RPSA2: variants seen among roughly 807,000 people sequenced by gnomAD.
RPSA2 encodes small ribosomal subunit protein uS2B.
the RPSA2 span, among the ~76,000 whole-genome samples, chr19:23,801,431 A>G: frequency 6.6e-6 from 1 of 152,102 alleles, no homozygotes; most frequent in Non-Finnish European, 1.5e-5. Context: ...TTCAGCAGAC[A>G]TGGGCTTCAC....
chr19:23,864,229 C>T, the RPSA2 span, among the ~76,000 whole-genome samples: 1 of 152,202 alleles, frequency 6.6e-6, no homozygotes, highest in African/African-American at 2.4e-5. Context: ...AACGCATGGC[C>T]TGCCTTACCT....
chr19:23,865,974 G>A, the RPSA2 span, among the ~76,000 whole-genome samples: 7 of 152,200 alleles, frequency 4.6e-5, no homozygotes, highest in African/African-American at 1.7e-4. Context: ...ATCCACCAGT[G>A]CATATCTGAC....
chr19:23,841,098 G>A, the RPSA2 span, among the ~76,000 whole-genome samples: 2 of 151,956 alleles, frequency 1.3e-5, no homozygotes, highest in African/African-American at 4.8e-5. Flanking sequence ...CAGAAGTCAT[G>A]TTGCATCCTC....
the RPSA2 span, chr19:23,832,978 G>A: frequency 3.4e-6 from 5 of 1,467,474 alleles, no homozygotes; most frequent in South Asian, 5.9e-5. Context: ...CTACAAGTGT[G>A]AAGAATGTGG....
chr19:23,870,857 T>C, the RPSA2 span, among the ~76,000 whole-genome samples: 2 of 152,178 alleles, frequency 1.3e-5, no homozygotes, highest in African/African-American at 4.8e-5. Flanking sequence ...GGAAGCTATA[T>C]GATCAAAGAG....
the RPSA2 span, among the ~76,000 whole-genome samples, chr19:23,870,962 C>T: frequency 4.6e-5 from 7 of 152,272 alleles, no homozygotes; most frequent in East Asian, 9.7e-4. Flanking sequence ...TGGTGCTGTG[C>T]TCCTTGAGAT....
At chr19:23,758,572 A>C in the RPSA2 span, among the ~76,000 whole-genome samples, 24 of 152,256 alleles carry the variant, frequency 1.6e-4, no homozygotes, top group Non-Finnish European at 2.5e-4. Context: ...CAGGGAGGAG[A>C]AAGGACGCCC....
At chr19:23,870,764 T>G in the RPSA2 span, among the ~76,000 whole-genome samples, 1 of 152,194 alleles carries the variant, frequency 6.6e-6, no homozygotes. Flanking sequence ...TGGCCTTACA[T>G]TCATTCAATT....
At chr19:23,867,896 C>T in the RPSA2 span, among the ~76,000 whole-genome samples, 1 of 151,842 alleles carries the variant, frequency 6.6e-6, no homozygotes, top group African/African-American at 2.4e-5. Flanking sequence ...TACTTTTCCA[C>T]CACCCACTGC....
the RPSA2 span, among the ~76,000 whole-genome samples, chr19:23,841,272 G>A: frequency 6.6e-6 from 1 of 152,008 alleles, no homozygotes; most frequent in East Asian, 1.9e-4. Context: ...AGACCATCCT[G>A]GCTAACATGG....
chr19:23,847,208 CTT>C, the RPSA2 span, among the ~76,000 whole-genome samples: 1 of 144,208 alleles, frequency 6.9e-6, no homozygotes, highest in Non-Finnish European at 1.5e-5. Flanking sequence ...ATTTTTGTTT[CTT>C]TTTTTTTTTC....
chr19:23,815,781 C>G, the RPSA2 span, among the ~76,000 whole-genome samples: 1 of 151,944 alleles, frequency 6.6e-6, no homozygotes. Context: ...GTATTTCTTG[C>G]TTTACTTTTG....
the RPSA2 span, among the ~76,000 whole-genome samples, chr19:23,839,523 C>A: frequency 6.6e-6 from 1 of 152,164 alleles, no homozygotes; most frequent in Admixed American, 6.5e-5. Context: ...TTACCCCAGG[C>A]TTTCTGTTTC....
At chr19:23,850,850 A>T in the RPSA2 span, among the ~76,000 whole-genome samples, 1 of 152,078 alleles carries the variant, frequency 6.6e-6, no homozygotes, top group Admixed American at 6.6e-5. Context: ...GGGAATGGGG[A>T]GTGGTTAAAT....
chr19:23,830,637 T>G, the RPSA2 span, among the ~76,000 whole-genome samples: 3 of 152,170 alleles, frequency 2.0e-5, no homozygotes, highest in African/African-American at 7.2e-5. Context: ...AATTTTTGTT[T>G]TTTTGAAATC....
chr19:23,786,651 T>C, the RPSA2 span, among the ~76,000 whole-genome samples: 1 of 152,172 alleles, frequency 6.6e-6, no homozygotes, highest in Non-Finnish European at 1.5e-5. Flanking sequence ...CCTTGTGACA[T>C]AACTCAATGT....
chr19:23,860,256 C>T, the RPSA2 span, among the ~76,000 whole-genome samples: 4 of 152,122 alleles, frequency 2.6e-5, no homozygotes, highest in Non-Finnish European at 5.9e-5. Context: ...CATCTCCACA[C>T]GACCCTCCCA....
the RPSA2 span, among the ~76,000 whole-genome samples, chr19:23,830,174 TCTATCCC>T: frequency 6.6e-6 from 1 of 152,164 alleles, no homozygotes; most frequent in Non-Finnish European, 1.5e-5. Flanking sequence ...TAAACGTCTC[TCTATCCC>T]CCAGCCAGGC....
chr19:23,859,578 G>A, the RPSA2 span, among the ~76,000 whole-genome samples: 2 of 151,922 alleles, frequency 1.3e-5, no homozygotes, highest in Non-Finnish European at 2.9e-5. Context: ...GGTCAGCTGA[G>A]CTCACACCAT....
Sources: gnomAD v4.1 joint callset for allele counts (sites outside exome capture counted in the v4.1 genomes callset) on GRCh38, gnomAD v4.1.1 for gene constraint, MANE v1.5 for transcripts, NCBI Gene and HGNC (gene_info 2026-07-23, HGNC 2026-07-21) for gene names.